RASSF9: variants seen among roughly 807,000 people sequenced by gnomAD.
RASSF9 encodes ras association domain-containing protein 9.
In RASSF9, 18 loss-of-function variants were observed where a neutral mutation model predicts 21.4. The observed-to-expected ratio is 0.84, with a 90% confidence interval of 0.58 to 1.25. RASSF9 has a LOEUF of 1.25. RASSF9 is among the 50% of genes most tolerant of loss of function. RASSF9 has a pLI of 0.00. For missense variants in RASSF9, 480 were observed against 503.2 expected, an observed-to-expected ratio of 0.95 and a Z score of 0.44; for synonymous variants, 183 against 179.1, an observed-to-expected ratio of 1.02 and a Z score of -0.18.
intron 1 of RASSF9, among the ~76,000 whole-genome samples, chr12:85,824,574 T>C (rs1212406405): frequency 6.6e-6 from 1 of 152,222 alleles, no homozygotes. Flanking sequence ...TTGAAATCTT[T>C]AAACTATTTC....
intron 1 of RASSF9, among the ~76,000 whole-genome samples, chr12:85,809,334 A>G (rs1879901356): frequency 6.6e-6 from 1 of 152,176 alleles, no homozygotes; most frequent in Non-Finnish European, 1.5e-5. Flanking sequence ...GGAATGAACC[A>G]CAGTGCCCCA....
At chr12:85,814,974 T>G (rs1202979765) in intron 1 of RASSF9, among the ~76,000 whole-genome samples, 1 of 152,034 alleles carries the variant, frequency 6.6e-6, no homozygotes. Context: ...GTCAGCACAA[T>G]AGGTTATTGC....
At chr12:85,833,808 A>G (rs558277970) in intron 1 of RASSF9, among the ~76,000 whole-genome samples, 2 of 152,152 alleles carry the variant, frequency 1.3e-5, no homozygotes, top group South Asian at 4.1e-4. Flanking sequence ...ACATTGTACA[A>G]TAAATTTTAT....
At chr12:85,828,306 T>C (rs1479576741) in intron 1 of RASSF9, among the ~76,000 whole-genome samples, 2 of 152,068 alleles carry the variant, frequency 1.3e-5, no homozygotes, top group African/African-American at 4.8e-5. Flanking sequence ...AGCACAACAG[T>C]GTGGTTGTAG....
chr12:85,825,042 G>A (rs1461403555), intron 1 of RASSF9, among the ~76,000 whole-genome samples: 1 of 152,076 alleles, frequency 6.6e-6, no homozygotes, highest in Non-Finnish European at 1.5e-5. Flanking sequence ...CTCACTCCGT[G>A]ACCAGGCTGG....
At chr12:85,827,276 A>G (rs79072977) in intron 1 of RASSF9, among the ~76,000 whole-genome samples, 1,683 of 152,260 alleles carry the variant, frequency 0.011, 34 homozygotes, top group African/African-American at 0.038. Context: ...CTCATTTTTC[A>G]TCTTCACTCA....
intron 1 of RASSF9, among the ~76,000 whole-genome samples, chr12:85,806,394 C>T (rs1472784115): frequency 1.4e-5 from 2 of 147,304 alleles, no homozygotes; most frequent in East Asian, 2.2e-4. Context: ...GAAGATTGGC[C>T]GGGTGTGGTG....
At chr12:85,806,368 T>C (rs1879834663) in intron 1 of RASSF9, among the ~76,000 whole-genome samples, 2 of 148,244 alleles carry the variant, frequency 1.3e-5, no homozygotes, top group African/African-American at 2.5e-5. Flanking sequence ...CATTTTTAAG[T>C]TGAGAATAAG....
intron 1 of RASSF9, among the ~76,000 whole-genome samples, chr12:85,826,889 CTGTT>C (rs780215003): frequency 1.2e-4 from 18 of 152,166 alleles, no homozygotes; most frequent in African/African-American, 2.9e-4. Context: ...ATAAAATAAT[CTGTT>C]TGGCCATTCA....
At chr12:85,829,588 A>G (rs937299775) in intron 1 of RASSF9, among the ~76,000 whole-genome samples, 4 of 152,062 alleles carry the variant, frequency 2.6e-5, no homozygotes, top group Admixed American at 1.3e-4. Flanking sequence ...TTAGCCCTGT[A>G]TGATTCAGCC....
chr12:85,832,104 G>T (rs1880465116), intron 1 of RASSF9, among the ~76,000 whole-genome samples: 1 of 151,794 alleles, frequency 6.6e-6, no homozygotes, highest in Non-Finnish European at 1.5e-5. Flanking sequence ...AAAGCCGAAG[G>T]GAACCCTTGA....
At chr12:85,823,749 A>G (rs1370361645) in intron 1 of RASSF9, among the ~76,000 whole-genome samples, 2 of 152,188 alleles carry the variant, frequency 1.3e-5, no homozygotes, top group African/African-American at 4.8e-5. Flanking sequence ...ATGGAGAGAA[A>G]AGAGGCAAAC....
In RASSF9 at chr12:85,800,916, A is replaced by G. The variant is rs1879684559; in HGVS notation, c.*3786T>C. 1 of 151,932 alleles carries G rather than the reference A, an allele frequency of 6.6e-6. No homozygotes were observed. The highest frequency in any genetic ancestry group is 2.1e-4 in the South Asian group (1 of 4,830). 9.4% of individuals were successfully genotyped at this position (151,932 alleles called of 1,614,324 possible). A position where few individuals can be genotyped will look rare whatever the true frequency, so the allele number is the denominator to read the frequency against. ...GATTATGTCTACTTGGAAAATAATT[A>G]TAAAAGGCAGCCACAGAAATATATT... On this transcript the variant is annotated 3_prime_UTR_variant, in exon 2 of 2. Coordinates refer to ENST00000361228, the MANE Select transcript of RASSF9 (RefSeq NM_005447.4).
At chr12:85,819,245 C>A (rs1041860528) in intron 1 of RASSF9, among the ~76,000 whole-genome samples, 1 of 151,368 alleles carries the variant, frequency 6.6e-6, no homozygotes, top group Non-Finnish European at 1.5e-5. Context: ...CAGGGTCTCA[C>A]TATGTTGCTG....
intron 1 of RASSF9, among the ~76,000 whole-genome samples, chr12:85,806,445 G>A (rs61928920): frequency 0.056 from 8,323 of 149,918 alleles, 317 homozygotes; most frequent in Non-Finnish European, 0.079. Flanking sequence ...GGCCGAGGCG[G>A]GTGGATCACC....
intron 1 of RASSF9, among the ~76,000 whole-genome samples, chr12:85,826,548 C>A (rs757534702): frequency 2.1e-5 from 3 of 144,790 alleles, no homozygotes; most frequent in Non-Finnish European, 4.5e-5. Context: ...CCCGGGTTCA[C>A]GCCATTATCC....
At chr12:85,822,713 A>G (rs1307531011) in intron 1 of RASSF9, among the ~76,000 whole-genome samples, 2 of 152,108 alleles carry the variant, frequency 1.3e-5, no homozygotes, top group Non-Finnish European at 2.9e-5. Flanking sequence ...ACTTTGCTTT[A>G]TAATTCACCC....
chr12:85,809,855 C>T (rs1482395824), intron 1 of RASSF9, among the ~76,000 whole-genome samples: 1 of 151,924 alleles, frequency 6.6e-6, no homozygotes, highest in East Asian at 1.9e-4. Context: ...CACTAATGAT[C>T]ATCATGCACA....
At chr12:85,809,608 G>A (rs1332066894) in intron 1 of RASSF9, among the ~76,000 whole-genome samples, 1 of 151,638 alleles carries the variant, frequency 6.6e-6, no homozygotes, top group Admixed American at 6.6e-5. Context: ...CCCTACACTA[G>A]AGCTCTGAAG....
Sources: allele counts gnomAD v4.1 joint callset (sites outside exome capture counted in the v4.1 genomes callset), GRCh38; gene constraint gnomAD v4.1.1; transcripts MANE v1.5; gene names NCBI Gene and HGNC (gene_info 2026-07-23, HGNC 2026-07-21).